The following SPAG16 variants were observed in gnomAD, a reference collection of about 807,000 sequenced individuals.
SPAG16 encodes sperm associated antigen 16.
SPAG16 carries 86 observed loss-of-function variants against 80.4 expected under a neutral mutation model. The observed-to-expected ratio is 1.07, with a 90% CI of 0.90 to 1.28. The LOEUF (loss-of-function observed/expected upper bound fraction) is 1.28, where lower values mean the gene tolerates loss of function less well. Among genes scored for constraint, SPAG16 ranks in the 50% most tolerant of loss-of-function variants. The pLI, the probability that SPAG16 is intolerant of heterozygous loss-of-function variation, is 0.00. For missense variants in SPAG16, 870 were observed against 765.3 expected (o/e 1.14, Z -1.61); for synonymous variants, 294 against 265.9 (o/e 1.11, Z -1.03).
At chr2:213,801,319 C>T (rs1250404056) in intron 10 of SPAG16, among the ~76,000 whole-genome samples, 1 of 152,168 alleles carries the variant, frequency 6.6e-6, no homozygotes, top group Non-Finnish European at 1.5e-5. Context: ...GTCTTCAAAA[C>T]AATAATGTAT....
chr2:213,788,710 C>T (rs952212778), intron 10 of SPAG16, among the ~76,000 whole-genome samples: 1 of 151,774 alleles, frequency 6.6e-6, no homozygotes, highest in African/African-American at 2.4e-5. Context: ...TCCCTCTGTT[C>T]AAAACTTGCT....
intron 14 of SPAG16, among the ~76,000 whole-genome samples, chr2:214,112,466 A>G (rs2053716517): frequency 6.6e-6 from 1 of 152,082 alleles, no homozygotes; most frequent in African/African-American, 2.4e-5. Flanking sequence ...GTGGGTCTCA[A>G]AGGACTTGCT....
intron 7 of SPAG16, among the ~76,000 whole-genome samples, chr2:213,358,736 C>T (rs1460743301): frequency 1.3e-5 from 2 of 152,010 alleles, no homozygotes; most frequent in Non-Finnish European, 2.9e-5. Context: ...TTGTTATTAC[C>T]GACCTTCTGA....
intron 13 of SPAG16, among the ~76,000 whole-genome samples, chr2:214,022,321 G>A (rs760178782): frequency 6.6e-6 from 1 of 151,964 alleles, no homozygotes; most frequent in Non-Finnish European, 1.5e-5. Flanking sequence ...CATATAGCAC[G>A]ATAGGAACAT....
In SPAG16 at chr2:213,508,440, C is replaced by T. The variant is rs546136832; in HGVS notation, c.1070+18350C>T. Among the ~76,000 whole-genome samples the T allele has an allele frequency of 9.2e-4, 140 of 152,226 alleles. 2 individuals carry two copies. The highest frequency in any genetic ancestry group is 3.4e-3 in the Middle Eastern group (1 of 294). On this transcript the variant is annotated intron_variant, in intron 10 of 15. Transcript: ENST00000331683. ...ACAAAAAATTAGCCGGGCGCGGTGGCGGGCGCCTGTAGTCCCAGCTACTGG... is the reference window on the plus strand; with the variant it reads ...ACAAAAAATTAGCCGGGCGCGGTGGTGGGCGCCTGTAGTCCCAGCTACTGG...
At chr2:213,680,977 T>A (rs1345923955) in intron 10 of SPAG16, among the ~76,000 whole-genome samples, 1 of 152,110 alleles carries the variant, frequency 6.6e-6, no homozygotes, top group African/African-American at 2.4e-5. Context: ...AATGTTTAGG[T>A]TAAGATAAAG....
At chr2:213,763,207 G>A (rs1263191647) in intron 10 of SPAG16, among the ~76,000 whole-genome samples, 1 of 146,940 alleles carries the variant, frequency 6.8e-6, no homozygotes, top group Admixed American at 6.8e-5. Flanking sequence ...AGCCTCAATG[G>A]AAAACTGTTT....
intron 13 of SPAG16, among the ~76,000 whole-genome samples, chr2:214,084,514 G>A (rs2051594513): frequency 6.6e-6 from 1 of 152,106 alleles, no homozygotes. Context: ...CCTATCAACA[G>A]GTTTTGCTTT....
At chr2:213,423,571 GGTT>G (rs2069730562) in intron 9 of SPAG16, among the ~76,000 whole-genome samples, 1 of 152,082 alleles carries the variant, frequency 6.6e-6, no homozygotes, top group Admixed American at 6.5e-5. Flanking sequence ...TGCTGCCTTT[GGTT>G]GTTGTGAATC....
intron 15 of SPAG16, among the ~76,000 whole-genome samples, chr2:214,322,999 T>G (rs1202296260): frequency 6.6e-6 from 1 of 152,184 alleles, no homozygotes; most frequent in Non-Finnish European, 1.5e-5. Context: ...CTATGGAGTC[T>G]TTTTTGGGCA....
At chr2:213,556,118 T>C (rs896046082) in intron 10 of SPAG16, among the ~76,000 whole-genome samples, 3 of 151,544 alleles carry the variant, frequency 2.0e-5, no homozygotes, top group Admixed American at 6.6e-5. Flanking sequence ...AACATATCAC[T>C]GGAGAAAATC....
chr2:213,681,998 G>T (rs981864665), intron 10 of SPAG16, among the ~76,000 whole-genome samples: 2 of 152,094 alleles, frequency 1.3e-5, no homozygotes, highest in Admixed American at 6.6e-5. Context: ...CTGTCCTCTG[G>T]CACCTTTAGG....
chr2:213,653,605 G>A (rs1275684403), intron 10 of SPAG16, among the ~76,000 whole-genome samples: 2 of 152,122 alleles, frequency 1.3e-5, no homozygotes, highest in African/African-American at 4.8e-5. Flanking sequence ...TACTTATTGA[G>A]CAAAACCTAT....
chr2:214,063,636 T>C (rs111450625), intron 13 of SPAG16, among the ~76,000 whole-genome samples: 29 of 152,300 alleles, frequency 1.9e-4, no homozygotes, highest in African/African-American at 5.8e-4. Context: ...TTTCAACATA[T>C]GAATTTTGGG....
chr2:214,294,945 C>A (rs568093810), intron 15 of SPAG16, among the ~76,000 whole-genome samples: 74 of 152,274 alleles, frequency 4.9e-4, no homozygotes, highest in Non-Finnish European at 4.6e-4. Flanking sequence ...TCACAGAATA[C>A]AAAATTCTTG....
rs10627580 is a variant in SPAG16 at position 214,175,245 on chromosome 2, G to GTATA, written c.1720+25990_1720+25993dup. On this transcript the variant is annotated intron_variant, in intron 15 of 15. Coordinates refer to ENST00000331683, the MANE Select transcript of SPAG16 (RefSeq NM_024532.5). The stretch of plus-strand genomic sequence containing the variant: ...TGTGTATATATATATATAAAGAAAT[G>GTATA]TATATATATATATAAAGAAATGTAT... Among the ~76,000 whole-genome samples, 627 of 142,884 alleles carry GTATA rather than the reference G, an allele frequency of 4.4e-3. 7 individuals carry two copies. Among genetic ancestry groups the GTATA allele is most frequent in the African/African-American group, 0.012 (450 of 39,122 alleles). 93.7% of individuals were successfully genotyped at this position (142,884 alleles called of 152,430 possible). A position where few individuals can be genotyped will look rare whatever the true frequency, so the allele number is the denominator to read the frequency against.
intron 9 of SPAG16, among the ~76,000 whole-genome samples, chr2:213,392,681 C>T (rs2067817125): frequency 6.6e-6 from 1 of 151,992 alleles, no homozygotes; most frequent in Admixed American, 6.6e-5. Flanking sequence ...CCTGTCTCTA[C>T]TAAAAATACA....
At chr2:213,901,370 G>A (rs184728213) in intron 11 of SPAG16, among the ~76,000 whole-genome samples, 1 of 152,052 alleles carries the variant, frequency 6.6e-6, no homozygotes, top group East Asian at 1.9e-4. Flanking sequence ...AGGCCTGAAC[G>A]CATTTCACCC....
At chr2:213,306,117 A>G (rs886481733) in intron 3 of SPAG16, among the ~76,000 whole-genome samples, 4 of 151,880 alleles carry the variant, frequency 2.6e-5, no homozygotes, top group African/African-American at 9.7e-5. Context: ...TTTCCAATTT[A>G]CTGGCACGTA....
Sources: gnomAD v4.1 joint callset for allele counts (sites outside exome capture counted in the v4.1 genomes callset) on GRCh38, gnomAD v4.1.1 for gene constraint, MANE v1.5 for transcripts, NCBI Gene and HGNC (gene_info 2026-07-23, HGNC 2026-07-21) for gene names.